SLC10A7: variants seen among roughly 807,000 people sequenced by gnomAD.
The protein encoded by SLC10A7 is solute carrier family 10 member 7.
In SLC10A7, 29 loss-of-function variants were observed where a neutral mutation model predicts 43.2. That is an observed-to-expected ratio of 0.67 (90% CI 0.50 to 0.92). SLC10A7 has a LOEUF of 0.92. SLC10A7 is among the 40% of genes least tolerant of loss of function. The probability of loss-of-function intolerance (pLI) is 0.00; values close to 1 mark genes in which losing one functional copy is unlikely to be tolerated. For synonymous variants in SLC10A7, 152 were observed against 144.8 expected (o/e 1.05, Z -0.35); for missense variants, 295 against 403.2 (o/e 0.73, Z 2.30).
chr4:146,475,774 C>T (rs189915218), intron 4 of SLC10A7, among the ~76,000 whole-genome samples: 20 of 152,244 alleles, frequency 1.3e-4, no homozygotes, highest in Middle Eastern at 3.4e-3. Flanking sequence ...CAATCCATCA[C>T]GAACTAAAAA....
intron 5 of SLC10A7, among the ~76,000 whole-genome samples, chr4:146,342,840 A>C (rs2149729997): frequency 6.6e-6 from 1 of 151,996 alleles, no homozygotes; most frequent in Middle Eastern, 3.4e-3. Flanking sequence ...TATGCATTTG[A>C]CAAATTAGTT....
chr4:146,395,141 G>A (rs1738725115), intron 5 of SLC10A7, among the ~76,000 whole-genome samples: 1 of 152,096 alleles, frequency 6.6e-6, no homozygotes, highest in Non-Finnish European at 1.5e-5. Context: ...GGTGGAGGCT[G>A]GAGGACTGCC....
chr4:146,449,969 A>T (rs1731443559), intron 4 of SLC10A7, among the ~76,000 whole-genome samples: 1 of 152,168 alleles, frequency 6.6e-6, no homozygotes, highest in African/African-American at 2.4e-5. Context: ...AGATGTCATC[A>T]AAGGAGGGGT....
chr4:146,293,125 T>C (rs984852996), intron 8 of SLC10A7, 145 bp from the exon 9 acceptor site: 37 of 548,330 alleles, frequency 6.7e-5, no homozygotes, highest in Non-Finnish European at 1.0e-4. Context: ...CCTTGCTAAA[T>C]TGAAAGAATC....
chr4:146,445,905 G>T (rs926531608), intron 4 of SLC10A7, among the ~76,000 whole-genome samples: 16 of 151,532 alleles, frequency 1.1e-4, no homozygotes, highest in Non-Finnish European at 2.2e-4. Flanking sequence ...GTGTGTGTGT[G>T]TGTGTGTGTG....
chr4:146,367,096 T>A (rs1161044334), intron 5 of SLC10A7, among the ~76,000 whole-genome samples: 1 of 152,180 alleles, frequency 6.6e-6, no homozygotes, highest in Admixed American at 6.5e-5. Context: ...GAATAATGTA[T>A]AGATTTGTGA....
intron 5 of SLC10A7, among the ~76,000 whole-genome samples, chr4:146,387,195 T>C (rs1738069528): frequency 6.6e-6 from 1 of 152,156 alleles, no homozygotes; most frequent in South Asian, 2.1e-4. Flanking sequence ...ATAACCCTGA[T>C]TAACATAGAT....
At chr4:146,453,455 C>A (rs1032052340) in intron 4 of SLC10A7, among the ~76,000 whole-genome samples, 1 of 151,934 alleles carries the variant, frequency 6.6e-6, no homozygotes, top group East Asian at 1.9e-4. Context: ...AATGACTTCT[C>A]TGTTTCTTAA....
At chr4:146,317,385 T>C (rs1313495881) in intron 6 of SLC10A7, among the ~76,000 whole-genome samples, 1 of 152,096 alleles carries the variant, frequency 6.6e-6, no homozygotes, top group Non-Finnish European at 1.5e-5. Flanking sequence ...CCCTGCTCTC[T>C]TGTGATGCTT....
At chr4:146,294,581 C>T (rs1452550666) in intron 7 of SLC10A7, among the ~76,000 whole-genome samples, 1 of 152,178 alleles carries the variant, frequency 6.6e-6, no homozygotes, top group East Asian at 1.9e-4. Context: ...GCTAGCAATG[C>T]ACCAGAAGTT....
At chr4:146,411,006 TG>T (rs1321942914) in intron 5 of SLC10A7, among the ~76,000 whole-genome samples, 10 of 152,144 alleles carry the variant, frequency 6.6e-5, no homozygotes, top group Middle Eastern at 6.8e-3. Context: ...ATTTTTGTAC[TG>T]TTTTTTTTAG....
At chr4:146,441,015 T>A (rs2149888459) in intron 5 of SLC10A7, among the ~76,000 whole-genome samples, 1 of 152,302 alleles carries the variant, frequency 6.6e-6, no homozygotes, top group Non-Finnish European at 1.5e-5. Context: ...GCTTGTTAAC[T>A]TTTACATTGC....
At chr4:146,299,915 C>T (rs1348284294) in intron 7 of SLC10A7, among the ~76,000 whole-genome samples, 1 of 152,090 alleles carries the variant, frequency 6.6e-6, no homozygotes, top group East Asian at 1.9e-4. Context: ...GGTGAAGAAG[C>T]TGAGAGCTCT....
chr4:146,433,457 C>CA (rs1437281119), intron 5 of SLC10A7, among the ~76,000 whole-genome samples: 3 of 151,922 alleles, frequency 2.0e-5, no homozygotes, highest in African/African-American at 4.8e-5. Context: ...ACTTCTCAGC[C>CA]AAAAAATTAT....
intron 3 of SLC10A7, among the ~76,000 whole-genome samples, chr4:146,507,992 CT>C (rs1560978212): frequency 6.6e-6 from 1 of 152,222 alleles, no homozygotes; most frequent in African/African-American, 2.4e-5. Context: ...TTAGTAGCCA[CT>C]TTTAAACATG....
At chr4:146,511,123 C>T (rs1484170095) in intron 2 of SLC10A7, among the ~76,000 whole-genome samples, 4 of 152,152 alleles carry the variant, frequency 2.6e-5, no homozygotes. Context: ...TGCTAGCAAA[C>T]CCATGCCTGC....
At chr4:146,499,706 G>A (rs1324063503) in intron 4 of SLC10A7, among the ~76,000 whole-genome samples, 1 of 151,594 alleles carries the variant, frequency 6.6e-6, no homozygotes, top group African/African-American at 2.4e-5. Flanking sequence ...TTATACCCCT[G>A]GTCTACAAAA....
chr4:146,322,231 A>C (rs1385640102), intron 6 of SLC10A7, among the ~76,000 whole-genome samples: 1 of 151,914 alleles, frequency 6.6e-6, no homozygotes, highest in African/African-American at 2.4e-5. Context: ...TTTTTTAATT[A>C]TTATTATACT....
chr4:146,440,883 C>T (rs1254253874), intron 5 of SLC10A7, among the ~76,000 whole-genome samples: 1 of 152,176 alleles, frequency 6.6e-6, no homozygotes, highest in East Asian at 1.9e-4. Context: ...CCAGTTAAGT[C>T]CTACCCATAC....
Sources: gnomAD v4.1 joint callset for allele counts (sites outside exome capture counted in the v4.1 genomes callset) on GRCh38, gnomAD v4.1.1 for gene constraint, MANE v1.5 for transcripts, NCBI Gene and HGNC (gene_info 2026-07-23, HGNC 2026-07-21) for gene names.